GIGYF1: variants seen among roughly 807,000 people sequenced by gnomAD.
GIGYF1 encodes GRB10 interacting GYF protein 1, also known as GRB10-interacting GYF protein 1.
GIGYF1 carries 84 observed loss-of-function variants against 147.1 expected under a neutral mutation model. The ratio of observed to expected loss-of-function variants is 0.57; its 90% CI spans 0.48 to 0.68. GIGYF1 has a LOEUF of 0.68. Among genes scored for constraint, GIGYF1 ranks in the 30% least tolerant of loss-of-function variants. The pLI, the probability that GIGYF1 is intolerant of heterozygous loss-of-function variation, is 0.00. For synonymous variants in GIGYF1, 752 were observed against 589.5 expected (o/e 1.28, Z -3.99); for missense variants, 1,485 against 1,393.7 (o/e 1.07, Z -1.04).
At chr7:100,686,525 G>T in intron 10 of GIGYF1, 92 bp from the exon 11 acceptor site, 1 of 1,518,186 alleles carries the variant, frequency 6.6e-7, no homozygotes, top group Non-Finnish European at 8.8e-7. Flanking sequence ...CTCCAGGGCT[G>T]CTGTCCCGGC....
rs146520591 is a variant in GIGYF1 at position 100,685,118 on chromosome 7, G to T, written c.1221C>A (p.Pro407=). 1 of 1,583,856 alleles carries T rather than the reference G, an allele frequency of 6.3e-7. No homozygotes were observed. Among genetic ancestry groups the T allele is most frequent in the South Asian group, 1.1e-5 (1 of 87,288 alleles). ...EDDIRGIQLS[P]GVGSSAGPPG... is the part of the protein sequence containing the mutation. ...GTGGGCCAGCAGAGGAGCCCACCCCGGGACTCAGCTGGATCCCCCGAATAT... is the reference window on the plus strand; with the variant it reads ...GTGGGCCAGCAGAGGAGCCCACCCCTGGACTCAGCTGGATCCCCCGAATAT... Residue 407 remains proline, a synonymous_variant, in exon 14 of 27, where the codon CCC becomes CCA. Coordinates refer to ENST00000678049, the MANE Select transcript of GIGYF1 (RefSeq NM_001375765.1).
In GIGYF1 at chr7:100,684,059, G is replaced by T. The variant is rs573169994; in HGVS notation, c.1829C>A (p.Thr610Lys). The change falls in exon 18 of 27, where the codon ACG becomes AAG. Residue 610 changes from threonine to lysine, a missense_variant. Transcript: ENST00000678049. Reference sequence around the variant, plus strand: ...CGCCTGGAGCTGCTGCAGGAATGCCGTGAGCTGCTGCTGCTGCTGCTGTGG... The same window carrying T: ...CGCCTGGAGCTGCTGCAGGAATGCCTTGAGCTGCTGCTGCTGCTGCTGTGG... ...PPPQQQQQQL[T>K]AFLQQLQALK... 3.1e-6 allele frequency: 5 copies of T among 1,604,530 alleles called. No homozygotes were observed. In the East Asian group the frequency reaches 1.1e-4, roughly 36 times the overall value.
chr7:100,687,689 TC>T (rs1805505155), intron 6 of GIGYF1, 73 bp from the exon 7 acceptor site: 3 of 492,456 alleles, frequency 6.1e-6, no homozygotes, highest in Non-Finnish European at 9.0e-6. Flanking sequence ...CACAGCACCC[TC>T]CCCGCCTGTC....
Position 100,686,063 on chromosome 7 carries a change from G to C in GIGYF1, c.965C>G (p.Pro322Arg). 6.2e-7 allele frequency: 1 copy of C among 1,612,634 alleles called. No homozygotes were observed. The highest frequency in any genetic ancestry group is 8.5e-7 in the Non-Finnish European group (1 of 1,179,936). Residue 322 changes from proline (P) to arginine (R), a missense_variant, in exon 12 of 27, where the codon CCC (proline) becomes CGC (arginine). Physicochemically the swap from Pro to Arg is moderately radical, Grantham distance 103 (BLOSUM62 -2). Coordinates refer to ENST00000678049, the MANE Select transcript of GIGYF1 (RefSeq NM_001375765.1). ...GTCCAGCTCCTGCTCCTCAGGAATG[G>C]GCTCCTTGGGGCCCTTCTGCATGGG... ...FLPLKKGPKE[P>R]IPEEQELDFQ...
chr7:100,685,188 G>T, intron 13 of GIGYF1, 42 bp from the exon 14 acceptor site: 3 of 1,528,072 alleles, frequency 2.0e-6, no homozygotes, highest in Non-Finnish European at 2.7e-6. Flanking sequence ...GGGCGGGGAG[G>T]AGACAAGATA....
chr7:100,690,998 G>A (rs1335628980), intron 1 of GIGYF1, among the ~76,000 whole-genome samples: 2 of 151,882 alleles, frequency 1.3e-5, no homozygotes, highest in African/African-American at 4.8e-5. Flanking sequence ...AAAAGCCCAT[G>A]CCACCCGCCT....
chr7:100,691,213 G>C (rs1007272443), intron 1 of GIGYF1, among the ~76,000 whole-genome samples: 1 of 152,212 alleles, frequency 6.6e-6, no homozygotes, highest in Admixed American at 6.5e-5. Context: ...GCCAAGTCTA[G>C]AGACATTCTG....
intron 1 of GIGYF1, among the ~76,000 whole-genome samples, chr7:100,691,402 G>C (rs1349447521): frequency 1.3e-5 from 2 of 152,172 alleles, no homozygotes; most frequent in African/African-American, 2.4e-5. Flanking sequence ...GTGCACGCTG[G>C]GTCATTCTCC....
At chr7:100,684,666 C>T (rs777642881) in intron 15 of GIGYF1, 50 bp from the exon 16 acceptor site, 2 of 1,611,892 alleles carry the variant, frequency 1.2e-6, no homozygotes, top group South Asian at 2.2e-5. Flanking sequence ...ACAGGGTATG[C>T]CAGAGACACC....
At position 100,686,367 on chromosome 7, in the gene GIGYF1, A is replaced by G. The variant is rs1562879500; in HGVS notation, c.761T>C (p.Leu254Ser). 1.9e-6 allele frequency: 3 copies of G among 1,597,142 alleles called. No homozygotes were observed. The South Asian group carries it at 3.3e-5, about 18-fold the overall frequency. Residue 254 changes from leucine (L) to serine (S), a missense_variant, in exon 11 of 27, where the codon TTG (leucine) becomes TCG (serine). Coordinates refer to ENST00000678049, the MANE Select transcript of GIGYF1 (RefSeq NM_001375765.1). ...ACCACACCCTCCTCGATCCCCTCGC[A>G]AATCAAATTCAAACTTGCGCCGCCG... Reference protein sequence around the residue: ...GERRRKFEFDLRGDRGGCGEE... With the variant: ...GERRRKFEFDSRGDRGGCGEE...
chr7:100,685,153 G>A lies in GIGYF1; in HGVS notation c.1193-7C>T, dbSNP rs759408474. 16 of 1,576,168 alleles carry A rather than the reference G, an allele frequency of 1.0e-5. No individual in the cohort carries two copies. Among genetic ancestry groups the A allele is most frequent in the African/African-American group, 2.7e-5 (2 of 74,106 alleles). On this transcript the variant is annotated splice_polypyrimidine_tract_variant and splice_region_variant and intron_variant, in intron 13 of 26. Transcript: ENST00000678049. Reference sequence around the variant, plus strand: ...TGGATCCCCCGAATATCATCTGGAAGGCATGAGATAGGAGGTGGAAAGAAG... The same window carrying A: ...TGGATCCCCCGAATATCATCTGGAAAGCATGAGATAGGAGGTGGAAAGAAG...
At position 100,681,925 on chromosome 7, in the gene GIGYF1, G is replaced by A. The variant is rs201850126; in HGVS notation, c.2994C>T (p.Pro998=). 17 of 1,610,510 alleles carry A rather than the reference G, an allele frequency of 1.1e-5. No homozygotes were observed. The highest frequency in any genetic ancestry group is 5.5e-5 in the South Asian group (5 of 91,076). ...FQANHSTKLG[P]GEGSKAKRRA... ...GCCTCTTGGCCTTGCTGCCCTCCCC[G>A]GGGCCGAGTTTGGTGCTGTGGTTGG... Residue 998 remains proline (P), a synonymous_variant, in exon 26 of 27, where the codon CCC becomes CCT. Coordinates refer to ENST00000678049, the MANE Select transcript of GIGYF1 (RefSeq NM_001375765.1).
Position 100,684,715 on chromosome 7 carries a change from A to G in GIGYF1, c.1462+8T>C. On this transcript the variant is annotated splice_region_variant and intron_variant, in intron 15 of 26. Coordinates refer to ENST00000678049, the MANE Select transcript of GIGYF1 (RefSeq NM_001375765.1). ...GCCTTGAGCAGCCCTCCCATCCCACACAGGTACCTTGGATCTCGCCCTGTG... is the reference window on the plus strand; with the variant it reads ...GCCTTGAGCAGCCCTCCCATCCCACGCAGGTACCTTGGATCTCGCCCTGTG... The G allele has an allele frequency of 2.5e-6, 4 of 1,611,412 alleles. No individual in the cohort carries two copies. Among genetic ancestry groups the G allele is most frequent in the Non-Finnish European group, 3.4e-6 (4 of 1,178,390 alleles).
chr7:100,690,053 G>A (rs556360129), intron 1 of GIGYF1, among the ~76,000 whole-genome samples: 7 of 152,170 alleles, frequency 4.6e-5, no homozygotes, highest in African/African-American at 1.4e-4. Flanking sequence ...GGTCATGGCC[G>A]CACACCAATG....
Position 100,686,254 on chromosome 7 carries a change from G to T in GIGYF1, c.874C>A (p.Pro292Thr). ...TCCTCATCGTCCAGGCACCACTCTG[G>T]GAGCCCATCCTTGTCCTCCTCAAAG... ...EGFEEDKDGL[P>T]EWCLDDEDEE... The change falls in exon 11 of 27, where the codon CCA becomes ACA. Residue 292 changes from proline to threonine, a missense_variant. Physicochemically the swap from Pro to Thr is conservative, Grantham distance 38 (BLOSUM62 -1). Transcript: ENST00000678049. 1 of 1,614,024 alleles carries T rather than the reference G, an allele frequency of 6.2e-7. No homozygotes were observed. Among genetic ancestry groups the T allele is most frequent in the Non-Finnish European group, 8.5e-7 (1 of 1,179,982 alleles).
At chr7:100,681,804 C>T in intron 26 of GIGYF1, 33 bp from the exon 27 acceptor site, 1 of 1,599,948 alleles carries the variant, frequency 6.3e-7, no homozygotes, top group Non-Finnish European at 8.5e-7. Context: ...TCTGAGCTCT[C>T]TCCTGGGCTC....
intron 12 of GIGYF1, 76 bp from the exon 13 acceptor site, chr7:100,685,557 T>A: frequency 1.3e-6 from 2 of 1,531,862 alleles, no homozygotes; most frequent in Non-Finnish European, 8.8e-7. Flanking sequence ...CCCTTGAGTG[T>A]GGCTGGAACC....
rs1178526251 is a variant in GIGYF1 at position 100,687,026 on chromosome 7, T to G, written c.503A>C (p.Lys168Thr). Residue 168 changes from lysine to threonine, a missense_variant, in exon 9 of 27, where the codon AAG (lysine) becomes ACG (threonine). Transcript: ENST00000678049. ...WDDRGERRFE[K>T]SARRDGARCG... ...CGTACCTCCATCCCGCCTTGCTGAC[T>G]TCTCAAACCGCCTCTCGCCTCTGCA... 1 of 1,613,748 alleles carries G rather than the reference T, an allele frequency of 6.2e-7. No individual in the cohort carries two copies. The highest frequency in any genetic ancestry group is 2.2e-5 in the East Asian group (1 of 44,894).
Position 100,687,823 on chromosome 7 carries a change from G to A in GIGYF1, c.226C>T (p.Pro76Ser). Reference sequence around the variant, plus strand: ...TCAGTCAGCGGCTCCAGAGCCAGGGGCTGCAGTGGCTCGTCCTGCAGCACC... The same window carrying A: ...TCAGTCAGCGGCTCCAGAGCCAGGGACTGCAGTGGCTCGTCCTGCAGCACC... ...AAVLQDEPLQ[P>S]LALEPLTEEE... The change falls in exon 6 of 27, where the codon CCC becomes TCC. Residue 76 changes from proline (P) to serine (S), a missense_variant. Transcript: ENST00000678049. 6.2e-7 allele frequency: 1 copy of A among 1,613,026 alleles called. No homozygotes were observed. The highest frequency in any genetic ancestry group is 8.5e-7 in the Non-Finnish European group (1 of 1,179,990).
Sources: allele counts gnomAD v4.1 joint callset (sites outside exome capture counted in the v4.1 genomes callset), GRCh38; gene constraint gnomAD v4.1.1; transcripts MANE v1.5; gene names NCBI Gene and HGNC (gene_info 2026-07-23, HGNC 2026-07-21).